PLB1: variants seen among roughly 807,000 people sequenced by gnomAD.
The protein encoded by PLB1 is phospholipase B1, also known as phospholipase B1, membrane-associated.
A neutral mutation model predicts 227.4 loss-of-function variants in PLB1; 242 were observed. The ratio of observed to expected loss-of-function variants is 1.06; its 90% CI spans 0.96 to 1.18. The LOEUF is 1.18. Ranked by LOEUF, PLB1 falls within the 50% of genes most tolerant of loss-of-function variation. The pLI, the probability that PLB1 is intolerant of heterozygous loss-of-function variation, is 0.00. For missense variants in PLB1, 1,858 were observed against 1,816.3 expected, an observed-to-expected ratio of 1.02 and a Z score of -0.42; for synonymous variants, 757 against 682.2, an observed-to-expected ratio of 1.11 and a Z score of -1.71.
rs1316615334 is a variant in PLB1 at position 28,540,460 on chromosome 2, C to T, written c.774+19C>T. 2.5e-6 allele frequency: 4 copies of T among 1,610,862 alleles called. No homozygotes were observed. The highest frequency in any genetic ancestry group is 3.4e-6 in the Non-Finnish European group (4 of 1,177,728). On this transcript the variant is annotated intron_variant, in intron 12 of 57. Transcript: ENST00000327757. ...TTATCAGGTGAGCCCAACCTGGGATCCCAAGCTGCTGGCTCACCGGGGTGG... is the reference window on the plus strand; with the variant it reads ...TTATCAGGTGAGCCCAACCTGGGATTCCAAGCTGCTGGCTCACCGGGGTGG...
In PLB1 at chr2:28,634,903, C is replaced by CCTAT. The variant is rs202130231; in HGVS notation, c.4098+1867_4098+1870dup. On this transcript the variant is annotated intron_variant, in intron 56 of 57. Transcript: ENST00000327757. ...TCCAGCCTGGGCAATAGAGTGAGAC[C>CCTAT]CTATCTCAAAAAACAAATAGAAAAA... Among the ~76,000 whole-genome samples the CCTAT allele has an allele frequency of 1.5e-3, 229 of 149,466 alleles. 2 individuals carry two copies. The East Asian group carries it at 0.017, about 11-fold the overall frequency.
rs982157200 is a variant in PLB1, at chr2:28,541,728, G to C, written c.796G>C (p.Ala266Pro). The change falls in exon 13 of 58, where the codon GCC becomes CCC. Residue 266 changes from alanine (A) to proline (P), a missense_variant. Transcript: ENST00000327757. Reference sequence around the variant, plus strand: ...CCAGGAAGCCTGGAACAGCCTCCTGGCCTCCAGCAGGTACAGTGAGCAGGA... The same window carrying C: ...CCAGGAAGCCTGGAACAGCCTCCTGCCCTCCAGCAGGTACAGTGAGCAGGA... ...SYQEAWNSLLASSRYSEQESF... is the reference protein window; with the variant it reads ...SYQEAWNSLLPSSRYSEQESF... 1 of 1,613,782 alleles carries C rather than the reference G, an allele frequency of 6.2e-7. No individual in the cohort carries two copies. Among genetic ancestry groups the C allele is most frequent in the African/African-American group, 1.3e-5 (1 of 74,894 alleles).
chr2:28,642,943 TC>T lies in PLB1; in HGVS notation c.4262del (p.Pro1421GlnfsTer31). 6.2e-7 allele frequency: 1 copy of T among 1,609,644 alleles called. No individual in the cohort carries two copies. On this transcript the variant is annotated frameshift_variant, in exon 58 of 58. Coordinates refer to ENST00000327757, the MANE Select transcript of PLB1 (RefSeq NM_153021.5). LOFTEE classifies it low-confidence loss of function (END_TRUNC). ...GCCCCCGAGGTGCTCTACTGGGCTG[TC>T]CCAGTGGCAGCGGGAGTCGGCCTTG... ...EEAPEVLYWA[V>X]PVAAGVGLVV...
chr2:28,505,446 A>G (rs1309226113), intron 1 of PLB1, among the ~76,000 whole-genome samples: 4 of 152,224 alleles, frequency 2.6e-5, no homozygotes, highest in Non-Finnish European at 5.9e-5. Flanking sequence ...AAATCATTGT[A>G]TCTAATAAAT....
Position 28,539,094 on chromosome 2 carries a change from C to T in PLB1, c.619-5C>T. ...ACTCACCTCCCTCTCTGTGTGTCCT[C>T]CTAGGTCCCCAGAGCATTTGTAAAC... is the stretch of plus-strand genomic sequence containing the variant. On this transcript the variant is annotated splice_polypyrimidine_tract_variant and splice_region_variant and intron_variant, in intron 10 of 57. Transcript: ENST00000327757. The T allele has an allele frequency of 1.2e-6, 2 of 1,611,284 alleles. No homozygotes were observed. The highest frequency in any genetic ancestry group is 1.3e-5 in the African/African-American group (1 of 75,036).
rs539368890 is a variant in PLB1 at position 28,543,420 on chromosome 2, C to T, written c.936+152C>T. On this transcript the variant is annotated intron_variant, in intron 14 of 57. Coordinates refer to ENST00000327757, the MANE Select transcript of PLB1 (RefSeq NM_153021.5). ...CAGGGATGCTTCTGTCTCCCGGTGA[C>T]GCCCCTCTCTGACTGCCTGAGACTT... The T allele has an allele frequency of 2.8e-5, 23 of 811,346 alleles. No individual in the cohort carries two copies. In the East Asian group the frequency reaches 3.3e-4, roughly 12 times the overall value. The allele number at this position is 811,346 out of a possible 1,614,324, so 50.3% of individuals were successfully genotyped here.
rs1672624030 is a variant in PLB1, at chr2:28,542,337, A to G, written c.879+526A>G. Among the ~76,000 whole-genome samples, 3 of 152,218 alleles carry G rather than the reference A, an allele frequency of 2.0e-5. No homozygotes were observed. In the South Asian group the frequency reaches 6.2e-4, roughly 32 times the overall value. On this transcript the variant is annotated intron_variant, in intron 13 of 57. Transcript: ENST00000327757. ...CACAGGGTTGAACAGCCCCCATGAA[A>G]TGTGCTGTTAGAGGCAGGGCAGCCC...
intron 25 of PLB1, 137 bp from the exon 26 acceptor site, chr2:28,585,624 C>G (rs1303838638): frequency 1.4e-6 from 1 of 728,438 alleles, no homozygotes; most frequent in East Asian, 2.7e-5. Flanking sequence ...GGTCAGCCAG[C>G]CAGGCTCCTC....
chr2:28,596,764 A>C (rs986295662), intron 33 of PLB1, among the ~76,000 whole-genome samples: 3 of 152,228 alleles, frequency 2.0e-5, no homozygotes, highest in African/African-American at 7.2e-5. Flanking sequence ...GAACTGAGTG[A>C]AGGAGAAGGG....
chr2:28,577,170 G>A (rs1024866691), intron 21 of PLB1, among the ~76,000 whole-genome samples: 1 of 152,186 alleles, frequency 6.6e-6, no homozygotes, highest in Admixed American at 6.5e-5. Context: ...CAAGTAGTCG[G>A]CCAAGGTCTC....
chr2:28,635,769 C>CTTATCTGA (rs1451423901), intron 56 of PLB1, among the ~76,000 whole-genome samples: 1 of 152,248 alleles, frequency 6.6e-6, no homozygotes, highest in African/African-American at 2.4e-5. Flanking sequence ...CTTCTGTCTT[C>CTTATCTGA]TTATCTGAAG....
chr2:28,541,855 G>T (rs777240177), intron 13 of PLB1, 44 bp downstream of exon 13: 1 of 1,470,022 alleles, frequency 6.8e-7, no homozygotes, highest in South Asian at 1.1e-5. Context: ...GGTGGGGGCC[G>T]GGCATGGTGG....
intron 35 of PLB1, among the ~76,000 whole-genome samples, chr2:28,600,192 G>A (rs1411503524): frequency 1.3e-5 from 2 of 152,202 alleles, no homozygotes; most frequent in African/African-American, 4.8e-5. Flanking sequence ...TTACAGGCGT[G>A]AGCCACCAGG....
chr2:28,579,427 T>C (rs761724208), intron 22 of PLB1, among the ~76,000 whole-genome samples, 200 bp from the exon 23 acceptor site: 6 of 152,140 alleles, frequency 3.9e-5, no homozygotes, highest in Non-Finnish European at 8.8e-5. Flanking sequence ...CACATGCAAG[T>C]TCAGTGATTC....
chr2:28,519,508 G>A (rs1397177846), intron 3 of PLB1, among the ~76,000 whole-genome samples, 197 bp from the exon 4 acceptor site: 1 of 152,178 alleles, frequency 6.6e-6, no homozygotes, highest in African/African-American at 2.4e-5. Flanking sequence ...GAGGGGAGCG[G>A]GTGTCTTTCT....
At chr2:28,567,122 G>GA (rs372601577) in intron 20 of PLB1, among the ~76,000 whole-genome samples, 111 of 152,216 alleles carry the variant, frequency 7.3e-4, no homozygotes, top group Middle Eastern at 3.4e-3. Flanking sequence ...GTAAAGCGGG[G>GA]AAAAAGATCA....
chr2:28,591,024 A>C, intron 29 of PLB1, 109 bp from the exon 30 acceptor site: 2 of 1,389,688 alleles, frequency 1.4e-6, no homozygotes, highest in South Asian at 2.3e-5. Context: ...CTTGGGACAC[A>C]GGGCAGGCAG....
At chr2:28,566,131 A>T (rs980567467) in intron 19 of PLB1, among the ~76,000 whole-genome samples, 1 of 152,204 alleles carries the variant, frequency 6.6e-6, no homozygotes. Flanking sequence ...TCTATCTGAC[A>T]CCTGCTTTAA....
rs1173086567 is a variant in PLB1, at chr2:28,632,198, ATG to A, written c.4002+60_4002+61del. On this transcript the variant is annotated intron_variant, in intron 55 of 57. Coordinates refer to ENST00000327757, the MANE Select transcript of PLB1 (RefSeq NM_153021.5). ...ATGGGGGCCTTATCACAGACGATGG[ATG>A]TATTTCCTTCTCTAAGTGGGCTTTT... The A allele has an allele frequency of 1.5e-4, 193 of 1,306,514 alleles. 1 individual carries two copies. The highest frequency in any genetic ancestry group is 2.0e-4 in the Non-Finnish European group (181 of 913,904). 80.9% of individuals were successfully genotyped at this position (1,306,514 alleles called of 1,614,324 possible). A position where few individuals can be genotyped will look rare whatever the true frequency, so the allele number is the denominator to read the frequency against.
Sources: gnomAD v4.1 joint callset for allele counts (sites outside exome capture counted in the v4.1 genomes callset) on GRCh38, gnomAD v4.1.1 for gene constraint, MANE v1.5 for transcripts, NCBI Gene and HGNC (gene_info 2026-07-23, HGNC 2026-07-21) for gene names.